The following PELI2 variants were observed in gnomAD, a reference collection of about 807,000 sequenced individuals.
PELI2 encodes E3 ubiquitin-protein ligase pellino homolog 2.
Under a neutral mutation model 42.3 loss-of-function variants are expected in PELI2, and 23 were observed. The observed-to-expected ratio is 0.54, with a 90% confidence interval of 0.39 to 0.77. The LOEUF is 0.77. Among genes scored for constraint, PELI2 ranks in the 30% least tolerant of loss-of-function variants. PELI2 has a pLI of 0.00. For missense variants in PELI2, 463 were observed against 553.2 expected (o/e 0.84, Z 1.64); for synonymous variants, 245 against 212.2 (o/e 1.15, Z -1.34).
chr14:56,265,354 A>G (rs1050549007), intron 2 of PELI2, among the ~76,000 whole-genome samples: 1 of 152,114 alleles, frequency 6.6e-6, no homozygotes, highest in Non-Finnish European at 1.5e-5. Context: ...TTTGACAAAG[A>G]TGCAAAGGCA....
intron 2 of PELI2, among the ~76,000 whole-genome samples, chr14:56,205,030 A>C (rs1886465622): frequency 1.9e-5 from 1 of 53,576 alleles, no homozygotes; most frequent in African/African-American, 4.3e-5. Flanking sequence ...ACTCCCTGTC[A>C]AAAAAAAAAA....
intron 2 of PELI2, among the ~76,000 whole-genome samples, chr14:56,204,690 T>C (rs1056494022): frequency 1.3e-5 from 2 of 151,966 alleles, no homozygotes; most frequent in Non-Finnish European, 2.9e-5. Context: ...AAAGGACTTT[T>C]AAACTGTTAA....
intron 2 of PELI2, among the ~76,000 whole-genome samples, chr14:56,221,722 T>C (rs1273040694): frequency 1.3e-5 from 2 of 152,210 alleles, no homozygotes; most frequent in Non-Finnish European, 2.9e-5. Context: ...GAATGGGTGA[T>C]TCTATAGAGA....
chr14:56,147,859 G>A (rs538651592), intron 1 of PELI2, among the ~76,000 whole-genome samples: 4 of 152,318 alleles, frequency 2.6e-5, no homozygotes, highest in South Asian at 4.1e-4. Context: ...CCCATGTGGC[G>A]TTTTGACCAC....
chr14:56,163,255 A>G (rs900328320), intron 1 of PELI2, among the ~76,000 whole-genome samples: 6 of 152,146 alleles, frequency 3.9e-5, no homozygotes, highest in South Asian at 2.1e-4. Flanking sequence ...ATTTTTGTAT[A>G]TGGTGAGAGA....
chr14:56,218,851 C>T (rs924432613), intron 2 of PELI2, among the ~76,000 whole-genome samples: 3 of 152,148 alleles, frequency 2.0e-5, no homozygotes, highest in Admixed American at 6.5e-5. Flanking sequence ...GTAGAGTGCA[C>T]TCTGATTCAC....
chr14:56,211,207 A>C (rs756412754), intron 2 of PELI2, among the ~76,000 whole-genome samples: 1 of 152,238 alleles, frequency 6.6e-6, no homozygotes, highest in Non-Finnish European at 1.5e-5. Flanking sequence ...CAATGCTGCC[A>C]GTGCTGAAGC....
At chr14:56,264,044 C>T (rs58069847) in intron 2 of PELI2, among the ~76,000 whole-genome samples, 20,188 of 152,172 alleles carry the variant, frequency 0.13, 1,705 homozygotes, top group Middle Eastern at 0.21. Flanking sequence ...ACTTGTAACT[C>T]CCAAATTAAT....
chr14:56,173,896 G>A (rs970229444), intron 1 of PELI2, among the ~76,000 whole-genome samples: 5 of 152,118 alleles, frequency 3.3e-5, no homozygotes, highest in African/African-American at 4.8e-5. Flanking sequence ...ATTCACAAGT[G>A]ACATGGATGT....
At position 56,266,284 on chromosome 14, in the gene PELI2, A is replaced by G. The variant is rs550230471; in HGVS notation, c.208-13392A>G. Among the ~76,000 whole-genome samples the G allele has an allele frequency of 6.0e-4, 92 of 152,160 alleles. 2 individuals carry two copies. Among genetic ancestry groups the G allele is most frequent in the African/African-American group, 2.0e-3 (83 of 41,580 alleles). On this transcript the variant is annotated intron_variant, in intron 2 of 5. Transcript: ENST00000267460. ...TTTGACTCTAGAAACTTTTTAAAAA[A>G]TCTGCATGGCAAAAAAACCCACAAC...
At chr14:56,249,449 A>G (rs1257698126) in intron 2 of PELI2, among the ~76,000 whole-genome samples, 3 of 152,194 alleles carry the variant, frequency 2.0e-5, no homozygotes, top group Non-Finnish European at 4.4e-5. Flanking sequence ...TAAATCCTGC[A>G]GCCTCAGCAT....
Position 56,178,355 on chromosome 14 carries a change from A to G in PELI2, c.98A>G (p.Asn33Ser), listed in dbSNP as rs1320483660. The change falls in exon 2 of 6, where the codon AAT (asparagine) becomes AGT (serine). Residue 33 changes from asparagine (N) to serine (S), a missense_variant. Asn to Ser is a conservative substitution (Grantham distance 46). Around this residue, in one of 3 missense-constraint regions of PELI2, gnomAD observed 343 missense variants for 378.4 expected, o/e 0.91. Coordinates refer to ENST00000267460, the MANE Select transcript of PELI2 (RefSeq NM_021255.3). ...VVLGYNGALP[N>S]GDRGRRKSRF... ...TCTAGGTACAATGGTGCTTTACCCA[A>G]TGGAGATAGAGGACGGAGGAAAAGT... 4.3e-6 allele frequency: 7 copies of G among 1,614,096 alleles called. No individual in the cohort carries two copies. The highest frequency in any genetic ancestry group is 4.5e-5 in the East Asian group (2 of 44,876).
intron 1 of PELI2, among the ~76,000 whole-genome samples, chr14:56,151,332 C>T (rs1325080325): frequency 6.6e-6 from 1 of 152,214 alleles, no homozygotes; most frequent in East Asian, 1.9e-4. Flanking sequence ...ATTTTTGATC[C>T]TCACTTATCT....
intron 2 of PELI2, among the ~76,000 whole-genome samples, chr14:56,236,793 T>C (rs1887811077): frequency 6.6e-6 from 1 of 152,190 alleles, no homozygotes; most frequent in South Asian, 2.1e-4. Context: ...CCTCAAGTTA[T>C]TTCTGGCCAC....
chr14:56,289,344 C>G (rs1446982404), intron 4 of PELI2, among the ~76,000 whole-genome samples: 1 of 152,166 alleles, frequency 6.6e-6, no homozygotes, highest in Non-Finnish European at 1.5e-5. Context: ...CAGCCTCTTC[C>G]TGGGAGGTCT....
chr14:56,150,549 G>T (rs557082095), intron 1 of PELI2, among the ~76,000 whole-genome samples: 7 of 151,816 alleles, frequency 4.6e-5, no homozygotes, highest in Non-Finnish European at 1.0e-4. Context: ...TTTGGAAGTA[G>T]GTAATTAACA....
At chr14:56,156,172 A>G (rs183819808) in intron 1 of PELI2, among the ~76,000 whole-genome samples, 4 of 152,310 alleles carry the variant, frequency 2.6e-5, no homozygotes, top group Non-Finnish European at 1.5e-5. Flanking sequence ...TCTTCTCAGT[A>G]TCTGTAGTAA....
At chr14:56,261,549 C>T (rs1888716114) in intron 2 of PELI2, among the ~76,000 whole-genome samples, 1 of 152,092 alleles carries the variant, frequency 6.6e-6, no homozygotes, top group Admixed American at 6.5e-5. Context: ...ATTCTGTCCC[C>T]CAAACTTGGA....
chr14:56,130,522 G>T (rs191583609), intron 1 of PELI2, among the ~76,000 whole-genome samples: 70 of 152,060 alleles, frequency 4.6e-4, no homozygotes, highest in South Asian at 8.3e-4. Context: ...CTCATTCAAA[G>T]AAGTTACCAG....
Sources: allele counts gnomAD v4.1 joint callset (sites outside exome capture counted in the v4.1 genomes callset), GRCh38; gene constraint gnomAD v4.1.1; regional missense constraint gnomAD v4.1.1; transcripts MANE v1.5; gene names NCBI Gene and HGNC (gene_info 2026-07-23, HGNC 2026-07-21).